The following DYNC1H1 variants were observed in gnomAD, a reference collection of about 807,000 sequenced individuals.
The protein encoded by DYNC1H1 is dynein cytoplasmic 1 heavy chain 1, also known as cytoplasmic dynein 1 heavy chain 1.
DYNC1H1 carries 51 observed loss-of-function variants against 527.1 expected under a neutral mutation model. The ratio of observed to expected loss-of-function variants is 0.10; its 90% CI spans 0.08 to 0.12. The LOEUF is 0.12. Among genes scored for constraint, DYNC1H1 ranks in the 10% least tolerant of loss-of-function variants. The pLI is 1.00. For missense variants in DYNC1H1, 2,771 were observed against 5,971.8 expected (o/e 0.46, Z 17.66); for synonymous variants, 2,189 against 2,278.8 (o/e 0.96, Z 1.12).
intron 10 of DYNC1H1, 27 bp downstream of exon 10, chr14:101,988,879 A>C: frequency 6.2e-7 from 1 of 1,613,948 alleles, no homozygotes; most frequent in South Asian, 1.1e-5. Context: ...CATTCTATTT[A>C]CTAATAAGTG....
chr14:102,034,239 C>G (rs1336947799), intron 55 of DYNC1H1, 51 bp downstream of exon 55: 2 of 1,614,058 alleles, frequency 1.2e-6, no homozygotes, highest in Non-Finnish European at 1.7e-6. Flanking sequence ...GTGAGGCAAG[C>G]TGGTGTTTAG....
At chr14:102,032,496 C>G (rs2048520477) in intron 52 of DYNC1H1, 29 bp downstream of exon 52, 1 of 1,613,568 alleles carries the variant, frequency 6.2e-7, no homozygotes. Context: ...CAAGGTATTG[C>G]CAGAAATTGA....
intron 15 of DYNC1H1, among the ~76,000 whole-genome samples, chr14:101,996,670 G>A (rs1342966868): frequency 2.6e-5 from 4 of 152,150 alleles, no homozygotes; most frequent in Non-Finnish European, 5.9e-5. Context: ...CACCCAGGCT[G>A]GAGTGCAGTG....
Position 101,979,693 on chromosome 14 carries a change from T to A in DYNC1H1, c.519-26T>A. ...CTTTGGAGACCAATAGCACACTAAA[T>A]GTTGAGGTATGAAATCTGTTTTTAG... On this transcript the variant is annotated intron_variant, in intron 3 of 77. Transcript: ENST00000360184. This position sits in a 1 kb window ranked among gnomAD's most constrained non-coding sequence, Gnocchi z 4.6. 1.2e-6 allele frequency: 2 copies of A among 1,613,590 alleles called. No individual in the cohort carries two copies.
chr14:101,980,650 T>G, intron 5 of DYNC1H1, 100 bp downstream of exon 5: 1 of 1,395,200 alleles, frequency 7.2e-7, no homozygotes, highest in Admixed American at 2.1e-5. Flanking sequence ...TTCACAGATG[T>G]ACTGTCGTTT....
intron 72 of DYNC1H1, among the ~76,000 whole-genome samples, chr14:102,046,923 C>G (rs776474163): frequency 1.3e-5 from 2 of 152,050 alleles, no homozygotes; most frequent in Non-Finnish European, 1.5e-5. Context: ...CTCAGCCTTC[C>G]AAGTAGCTGG....
intron 1 of DYNC1H1, among the ~76,000 whole-genome samples, chr14:101,971,994 A>G (rs1229160257): frequency 2.0e-5 from 3 of 152,222 alleles, no homozygotes; most frequent in Non-Finnish European, 1.5e-5. Flanking sequence ...ATGCATGGAC[A>G]TATAGTACAG....
At position 101,997,353 on chromosome 14, in the gene DYNC1H1, G is replaced by C. The variant is rs2048075174; in HGVS notation, c.3804+79G>C. 1.2e-6 allele frequency: 2 copies of C among 1,605,900 alleles called. No homozygotes were observed. The highest frequency in any genetic ancestry group is 2.7e-5 in the African/African-American group (2 of 74,790). On this transcript the variant is annotated intron_variant, in intron 16 of 77. Transcript: ENST00000360184. This position sits in a 1 kb window ranked among gnomAD's most constrained non-coding sequence, Gnocchi z 4.8. ...GGTGACTTTCTTTCAAGCCTAAAAG[G>C]CCTTGCTGTGACTGAGCTTTCTAGT...
chr14:102,024,085 G>A (rs894455391), intron 43 of DYNC1H1, among the ~76,000 whole-genome samples: 2 of 152,198 alleles, frequency 1.3e-5, no homozygotes, highest in Admixed American at 1.3e-4. Flanking sequence ...TCGAGCCATT[G>A]GATTTCCAGC....
Position 101,985,693 on chromosome 14 carries a change from G to T in DYNC1H1, c.1468G>T (p.Ala490Ser). 2 of 1,614,166 alleles carry T rather than the reference G, an allele frequency of 1.2e-6. No individual in the cohort carries two copies. Among genetic ancestry groups the T allele is most frequent in the Non-Finnish European group, 1.7e-6 (2 of 1,180,022 alleles). The part of the protein sequence containing the change: ...IVRVLRPQVT[A>S]VAQQNQGEVP... ...ACATATCTTTCTCCTTTAGGTCACG[G>T]CAGTTGCACAACAGAATCAAGGAGA... The change falls in exon 8 of 78, where the codon GCA becomes TCA. Residue 490 changes from alanine to serine, a missense_variant. This residue lies in a region of DYNC1H1 where 264 missense variants were observed against 619.4 expected (regional missense o/e 0.43). Transcript: ENST00000360184. The surrounding 1 kb of genome is among the most constrained non-coding windows in gnomAD (Gnocchi z 5.9).
rs2048600999 is a variant in DYNC1H1 at position 102,038,271 on chromosome 14, A to G, written c.10909-189A>G. The G allele has an allele frequency of 3.1e-6, 3 of 977,310 alleles. No individual in the cohort carries two copies. The highest frequency in any genetic ancestry group is 4.6e-6 in the Non-Finnish European group (3 of 650,344). The allele number at this position is 977,310 out of a possible 1,614,324, so 60.5% of individuals were successfully genotyped here. On this transcript the variant is annotated intron_variant, in intron 57 of 77. Coordinates refer to ENST00000360184, the MANE Select transcript of DYNC1H1 (RefSeq NM_001376.5). This position sits in a 1 kb window ranked among gnomAD's most constrained non-coding sequence, Gnocchi z 7.2. The stretch of plus-strand genomic sequence containing the variant: ...TGGAATTACAGGCGTGAGCCACCGC[A>G]TCTGGCTGAGTTTTTAATTTTAGTT...
In DYNC1H1 at chr14:102,004,651, G is replaced by A. The variant is rs2048176208; in HGVS notation, c.5017G>A (p.Val1673Ile). Residue 1673 changes from valine to isoleucine, a missense_variant, in exon 24 of 78, where the codon GTT becomes ATT. Around this residue, in one of 32 missense-constraint regions of DYNC1H1, gnomAD observed 105 missense variants for 138.1 expected, o/e 0.76. Coordinates refer to ENST00000360184, the MANE Select transcript of DYNC1H1 (RefSeq NM_001376.5). The part of the protein sequence containing the change: ...SIILNEDNSV[V>I]LGISSREGEE... ...CATCCTGAACGAGGATAACTCTGTT[G>A]TTTTGGGTATTTCATCTCGGGAAGG... The A allele has an allele frequency of 6.2e-7, 1 of 1,614,054 alleles. No homozygotes were observed. Among genetic ancestry groups the A allele is most frequent in the Non-Finnish European group, 8.5e-7 (1 of 1,180,046 alleles).
intron 15 of DYNC1H1, among the ~76,000 whole-genome samples, chr14:101,996,366 G>A (rs2048062460): frequency 6.6e-6 from 1 of 152,066 alleles, no homozygotes; most frequent in Admixed American, 6.5e-5. Context: ...CTGGCCTCAA[G>A]TGATCTGCCC....
Position 102,051,255 on chromosome 14 carries a change from CAAAAA to C in DYNC1H1, c.*701_*705del. 7.1e-6 allele frequency: 1 copy of C among 141,428 alleles called. No individual in the cohort carries two copies. The highest frequency in any genetic ancestry group is 1.6e-5 in the Non-Finnish European group (1 of 64,390). 8.8% of individuals were successfully genotyped at this position (141,428 alleles called of 1,614,324 possible). ...TGGGTGACAGAGCAAGACCCTGTCT[CAAAAA>C]AAAAAAAAGCTGGGCGTGGTGGCTC... On this transcript the variant is annotated 3_prime_UTR_variant, in exon 78 of 78. Transcript: ENST00000360184.
chr14:101,982,999 C>A lies in DYNC1H1; in HGVS notation c.962-20C>A. On this transcript the variant is annotated intron_variant, in intron 5 of 77. Coordinates refer to ENST00000360184, the MANE Select transcript of DYNC1H1 (RefSeq NM_001376.5). ...TGTTACTTTATGTGAAAACCATTAA[C>A]TCTTTCTCTGTTAATATAGGTCTAA... The A allele has an allele frequency of 6.2e-7, 1 of 1,604,140 alleles. No homozygotes were observed. The highest frequency in any genetic ancestry group is 8.5e-7 in the Non-Finnish European group (1 of 1,178,016).
At chr14:102,004,113 G>A (rs970796295) in intron 23 of DYNC1H1, among the ~76,000 whole-genome samples, 7 of 151,382 alleles carry the variant, frequency 4.6e-5, no homozygotes, top group Middle Eastern at 3.4e-3. Context: ...GCGTGGTGGT[G>A]GGCGCCTGTA....
chr14:102,046,487 A>T (rs2048720992), intron 72 of DYNC1H1, among the ~76,000 whole-genome samples: 1 of 134,806 alleles, frequency 7.4e-6, no homozygotes, highest in Non-Finnish European at 1.7e-5. Context: ...CTGGAGGGAA[A>T]GCCAGGCGAG....
Position 102,001,611 on chromosome 14 carries a change from A to G in DYNC1H1, c.4472A>G (p.Asp1491Gly). ...AAGTGCCGCTTGATCCGTGGCTGGG[A>G]TGACCTCTTCAACAAGGTCAAAGAA... Reference protein sequence around the residue: ...QNKCRLIRGWDDLFNKVKEHI... With the variant: ...QNKCRLIRGWGDLFNKVKEHI... Residue 1491 changes from aspartate to glycine, a missense_variant, in exon 21 of 78, where the codon GAT becomes GGT. By Grantham distance (94) the Asp-to-Gly change is moderately conservative. This residue lies in a region of DYNC1H1 where 223 missense variants were observed against 462.5 expected (regional missense o/e 0.48). Coordinates refer to ENST00000360184, the MANE Select transcript of DYNC1H1 (RefSeq NM_001376.5). This position sits in a 1 kb window ranked among gnomAD's most constrained non-coding sequence, Gnocchi z 5.0. The G allele has an allele frequency of 6.2e-7, 1 of 1,614,180 alleles. No individual in the cohort carries two copies. Among genetic ancestry groups the G allele is most frequent in the Non-Finnish European group, 8.5e-7 (1 of 1,180,026 alleles).
At chr14:101,984,965 A>T (rs2047917443) in intron 7 of DYNC1H1, among the ~76,000 whole-genome samples, 1 of 150,912 alleles carries the variant, frequency 6.6e-6, no homozygotes, top group African/African-American at 2.4e-5. Flanking sequence ...AAAGGAAAAG[A>T]AATAGGGTTT....
Sources: gnomAD v4.1 joint callset for allele counts (sites outside exome capture counted in the v4.1 genomes callset) on GRCh38, gnomAD v4.1.1 for gene constraint, gnomAD v4.1.1 regional missense constraint, Gnocchi (gnomAD v3.1) non-coding constraint, MANE v1.5 for transcripts, NCBI Gene and HGNC (gene_info 2026-07-23, HGNC 2026-07-21) for gene names.